Variants in DCDC2C observed in about 807,000 individuals in gnomAD.
DCDC2C encodes the protein doublecortin domain containing 2C, also known as doublecortin domain-containing protein 2C.
DCDC2C carries 44 observed loss-of-function variants against 45.0 expected under a neutral mutation model. The ratio of observed to expected loss-of-function variants is 0.98; its 90% confidence interval spans 0.77 to 1.26. The LOEUF (loss-of-function observed/expected upper bound fraction) is 1.26, where lower values mean the gene tolerates loss of function less well. Ranked by LOEUF, DCDC2C falls within the 50% of genes most tolerant of loss-of-function variation. The pLI, the probability that DCDC2C is intolerant of heterozygous loss-of-function variation, is 0.00. For synonymous variants in DCDC2C, 187 were observed against 178.8 expected, an observed-to-expected ratio of 1.05 and a Z score of -0.37; for missense variants, 447 against 468.9, an observed-to-expected ratio of 0.95 and a Z score of 0.43.
At chr2:3,784,993 T>A in intron 9 of DCDC2C, 66 bp from the exon 10 acceptor site, 1 of 1,136,134 alleles carries the variant, frequency 8.8e-7, no homozygotes, top group East Asian at 3.2e-5. Context: ...GTGGGGGAGA[T>A]TAAGGATTTA....
intron 4 of DCDC2C, among the ~76,000 whole-genome samples, chr2:3,750,801 A>G (rs17017967): frequency 0.034 from 5,125 of 152,132 alleles, 121 homozygotes; most frequent in Middle Eastern, 0.075. Flanking sequence ...ATTTCTGTAC[A>G]TATTTCCTCC....
chr2:3,725,701 G>GAA (rs1668646433), intron 2 of DCDC2C, among the ~76,000 whole-genome samples: 4 of 151,258 alleles, frequency 2.6e-5, no homozygotes, highest in Admixed American at 6.6e-5. Context: ...GATCCCAGAG[G>GAA]GAGATGAGCA....
chr2:3,786,704 T>C (rs1459556483), intron 10 of DCDC2C, among the ~76,000 whole-genome samples: 1 of 151,932 alleles, frequency 6.6e-6, no homozygotes, highest in Admixed American at 6.6e-5. Flanking sequence ...TGCGGGTGTG[T>C]CCCGCCTGTG....
At chr2:3,736,329 G>A (rs939624814) in intron 3 of DCDC2C, among the ~76,000 whole-genome samples, 3 of 152,184 alleles carry the variant, frequency 2.0e-5, no homozygotes, top group African/African-American at 2.4e-5. Flanking sequence ...GAGGCAAGTC[G>A]TGAGGCACAG....
intron 10 of DCDC2C, among the ~76,000 whole-genome samples, chr2:3,806,705 G>A (rs1477809401): frequency 1.4e-5 from 2 of 148,140 alleles, no homozygotes; most frequent in Admixed American, 1.3e-4. Flanking sequence ...ACCATGCCTG[G>A]CTAATTTTTT....
At chr2:3,841,397 TTTATA>T (rs1454299680) in intron 10 of DCDC2C, among the ~76,000 whole-genome samples, 37 of 149,914 alleles carry the variant, frequency 2.5e-4, no homozygotes, top group Non-Finnish European at 4.9e-4. Context: ...ATATTAATAT[TTTATA>T]TTATTTTATA....
chr2:3,725,609 T>TGCCAGGTGGATCCC (rs1668637877), intron 2 of DCDC2C, among the ~76,000 whole-genome samples: 1 of 113,936 alleles, frequency 8.8e-6, no homozygotes, highest in African/African-American at 3.4e-5. Context: ...AGGTGGATCC[T>TGCCAGGTGGATCCC]GGAGGGAGAC....
At chr2:3,716,999 C>T (rs1480774176) in intron 2 of DCDC2C, among the ~76,000 whole-genome samples, 1 of 152,118 alleles carries the variant, frequency 6.6e-6, no homozygotes, top group Non-Finnish European at 1.5e-5. Context: ...TGAGGTGGTC[C>T]TCTTTCTCAG....
intron 10 of DCDC2C, among the ~76,000 whole-genome samples, chr2:3,787,293 G>A (rs1670681308): frequency 6.6e-6 from 1 of 152,212 alleles, no homozygotes; most frequent in Non-Finnish European, 1.5e-5. Flanking sequence ...TGCAAACTGT[G>A]CGCAAATAGT....
chr2:3,837,205 T>C (rs188664914), intron 10 of DCDC2C, among the ~76,000 whole-genome samples: 25 of 152,220 alleles, frequency 1.6e-4, no homozygotes, highest in Admixed American at 1.4e-3. Context: ...GTGAAAACGG[T>C]ATTCGGAGTT....
chr2:3,811,060 CAG>C (rs1671379366), intron 10 of DCDC2C, among the ~76,000 whole-genome samples: 1 of 152,122 alleles, frequency 6.6e-6, no homozygotes, highest in Non-Finnish European at 1.5e-5. Context: ...CTTGGCTATG[CAG>C]AGTTTTCTTC....
rs138197211 is a variant in DCDC2C at position 3,829,016 on chromosome 2, C to T, written c.1066-18138C>T. Among the ~76,000 whole-genome samples the T allele has an allele frequency of 2.7e-3, 414 of 152,174 alleles. 3 individuals carry two copies. The highest frequency in any genetic ancestry group is 9.1e-3 in the African/African-American group (379 of 41,504). On this transcript the variant is annotated intron_variant, in intron 10 of 10. Coordinates refer to ENST00000399143, the MANE Select transcript of DCDC2C (RefSeq NM_001287444.2). ...GGGGACACAAGAAACCAAAAAATAC[C>T]AATTATTTTCACTATCATTTTTCAG...
chr2:3,784,644 T>C (rs1670603704), intron 9 of DCDC2C, among the ~76,000 whole-genome samples: 1 of 152,056 alleles, frequency 6.6e-6, no homozygotes, highest in South Asian at 2.1e-4. Context: ...CAGGGTTGGT[T>C]GATTAACTTA....
At chr2:3,724,116 G>C (rs1017247282) in intron 2 of DCDC2C, among the ~76,000 whole-genome samples, 2 of 152,094 alleles carry the variant, frequency 1.3e-5, no homozygotes, top group Admixed American at 1.3e-4. Context: ...ACTCTGTAAC[G>C]CACGATGAGA....
At chr2:3,745,542 C>T (rs1447192733) in intron 4 of DCDC2C, among the ~76,000 whole-genome samples, 2 of 152,090 alleles carry the variant, frequency 1.3e-5, no homozygotes, top group African/African-American at 4.8e-5. Context: ...GCAATATGCA[C>T]ATGAACAGAA....
chr2:3,768,834 A>G (rs190919528), intron 7 of DCDC2C, among the ~76,000 whole-genome samples: 275 of 152,296 alleles, frequency 1.8e-3, no homozygotes, highest in African/African-American at 6.2e-3. Context: ...TCGGCCTCCC[A>G]AAGTGTTGGG....
chr2:3,793,930 G>T (rs1485442812), intron 10 of DCDC2C, among the ~76,000 whole-genome samples: 1 of 152,182 alleles, frequency 6.6e-6, no homozygotes, highest in African/African-American at 2.4e-5. Flanking sequence ...ACATAAATAT[G>T]TACTTGAAAA....
At chr2:3,715,557 C>T (rs1396295866) in intron 2 of DCDC2C, among the ~76,000 whole-genome samples, 3 of 145,208 alleles carry the variant, frequency 2.1e-5, no homozygotes. Context: ...GTATTCTGCT[C>T]ATCACAACAT....
chr2:3,824,919 C>T (rs1469887510), intron 10 of DCDC2C, among the ~76,000 whole-genome samples: 1 of 152,054 alleles, frequency 6.6e-6, no homozygotes, highest in East Asian at 1.9e-4. Context: ...AAAATCTGGA[C>T]CCAGAATGAT....
Sources: allele counts gnomAD v4.1 joint callset (sites outside exome capture counted in the v4.1 genomes callset), GRCh38; gene constraint gnomAD v4.1.1; transcripts MANE v1.5; gene names NCBI Gene and HGNC (gene_info 2026-07-23, HGNC 2026-07-21).